RANBP17: variants seen among roughly 807,000 people sequenced by gnomAD.
RANBP17 encodes ran-binding protein 17.
RANBP17 carries 158 observed loss-of-function variants against 141.2 expected under a neutral mutation model. The ratio of observed to expected loss-of-function variants is 1.12; its 90% CI spans 0.98 to 1.28. RANBP17 has a LOEUF of 1.28. RANBP17 is among the 50% of genes most tolerant of loss of function. The pLI is 0.00. For missense variants in RANBP17, 1,438 were observed against 1,290.7 expected (o/e 1.11, Z -1.75); for synonymous variants, 430 against 450.0 (o/e 0.96, Z 0.56).
At chr5:171,062,632 T>C (rs1053454676) in intron 14 of RANBP17, among the ~76,000 whole-genome samples, 5 of 152,192 alleles carry the variant, frequency 3.3e-5, no homozygotes, top group African/African-American at 7.2e-5. Flanking sequence ...CTGACAATTA[T>C]GTGTCTTGGA....
intron 22 of RANBP17, among the ~76,000 whole-genome samples, chr5:171,239,703 A>T (rs894778032): frequency 5.9e-5 from 9 of 152,302 alleles, no homozygotes; most frequent in Non-Finnish European, 8.8e-5. Context: ...GTGTTATGGT[A>T]TAGAAGTCAG....
intron 5 of RANBP17, chr5:170,904,074 T>G (rs1159994253): frequency 2.2e-6 from 1 of 447,476 alleles, no homozygotes; most frequent in East Asian, 5.3e-5. Context: ...TTACCTCACC[T>G]GTGTGCTCAT....
chr5:171,126,121 A>G (rs1489588399), intron 14 of RANBP17, among the ~76,000 whole-genome samples: 1 of 152,192 alleles, frequency 6.6e-6, no homozygotes, highest in Non-Finnish European at 1.5e-5. Flanking sequence ...GCCACATATT[A>G]TATCTGACCA....
intron 21 of RANBP17, among the ~76,000 whole-genome samples, chr5:171,216,285 T>C (rs1230374208): frequency 1.3e-5 from 2 of 152,166 alleles, no homozygotes; most frequent in East Asian, 1.9e-4. Flanking sequence ...ACCAGTATCA[T>C]GCTATTTTGG....
chr5:171,121,302 A>G (rs1211726590), intron 14 of RANBP17, among the ~76,000 whole-genome samples: 1 of 152,208 alleles, frequency 6.6e-6, no homozygotes, highest in South Asian at 2.1e-4. Context: ...GTCTGAGGGC[A>G]TGTGTGCCAG....
At chr5:171,123,845 G>A (rs887247627) in intron 14 of RANBP17, among the ~76,000 whole-genome samples, 4 of 152,176 alleles carry the variant, frequency 2.6e-5, no homozygotes, top group African/African-American at 7.2e-5. Context: ...AGAATCAAAA[G>A]CCAAAGCACT....
intron 27 of RANBP17, 124 bp from the exon 28 acceptor site, chr5:171,298,638 T>C: frequency 1.6e-6 from 1 of 624,180 alleles, no homozygotes; most frequent in Non-Finnish European, 2.8e-6. Context: ...TCAGCTGAAA[T>C]CTAGAGCCGT....
chr5:170,915,402 A>C (rs1460957070), intron 8 of RANBP17, among the ~76,000 whole-genome samples: 2 of 152,168 alleles, frequency 1.3e-5, no homozygotes, highest in African/African-American at 4.8e-5. Flanking sequence ...CCAGGGCAAC[A>C]AAGAAAATAT....
At chr5:171,011,117 A>G (rs1242305837) in intron 14 of RANBP17, among the ~76,000 whole-genome samples, 1 of 152,130 alleles carries the variant, frequency 6.6e-6, no homozygotes, top group Non-Finnish European at 1.5e-5. Flanking sequence ...ATTGCAGACT[A>G]ACATCTCTCA....
intron 5 of RANBP17, 102 bp downstream of exon 5, chr5:170,896,217 G>T: frequency 1.3e-6 from 1 of 760,360 alleles, no homozygotes; most frequent in Non-Finnish European, 2.2e-6. Context: ...TCATTTTGTG[G>T]CATAAAACTC....
chr5:171,129,466 C>A (rs1338660811), intron 14 of RANBP17, among the ~76,000 whole-genome samples: 1 of 152,112 alleles, frequency 6.6e-6, no homozygotes, highest in Admixed American at 6.5e-5. Context: ...CCTGTATTGC[C>A]ACCACTCGCT....
At chr5:170,868,258 G>A (rs1241616104) in intron 1 of RANBP17, among the ~76,000 whole-genome samples, 2 of 152,032 alleles carry the variant, frequency 1.3e-5, no homozygotes, top group Non-Finnish European at 2.9e-5. Flanking sequence ...GTGTGTGTGT[G>A]TGGTTTTTTA....
At chr5:171,128,002 C>G (rs550595163) in intron 14 of RANBP17, among the ~76,000 whole-genome samples, 2 of 152,156 alleles carry the variant, frequency 1.3e-5, no homozygotes, top group African/African-American at 4.8e-5. Flanking sequence ...ACTAAAAATA[C>G]AAAAAATTAG....
chr5:171,138,822 A>G (rs886242390), intron 14 of RANBP17, among the ~76,000 whole-genome samples: 4 of 152,314 alleles, frequency 2.6e-5, no homozygotes, highest in South Asian at 4.2e-4. Flanking sequence ...TAGTAATCCC[A>G]ACACTTCGGA....
chr5:170,922,109 T>C (rs1277988316), intron 11 of RANBP17, among the ~76,000 whole-genome samples: 1 of 152,154 alleles, frequency 6.6e-6, no homozygotes, highest in African/African-American at 2.4e-5. Flanking sequence ...TGTTGGAGTT[T>C]GCCGGAGGTC....
At chr5:171,160,268 A>C (rs557639323) in intron 14 of RANBP17, among the ~76,000 whole-genome samples, 2 of 152,296 alleles carry the variant, frequency 1.3e-5, no homozygotes, top group South Asian at 4.1e-4. Context: ...ATTTAATATT[A>C]GAAGTTATGT....
intron 14 of RANBP17, among the ~76,000 whole-genome samples, chr5:171,156,854 T>G (rs1358570931): frequency 6.6e-6 from 1 of 152,160 alleles, no homozygotes; most frequent in Admixed American, 6.5e-5. Flanking sequence ...GAGTGCAAAC[T>G]GTATTTTCTG....
At chr5:171,121,208 G>A (rs29652) in intron 14 of RANBP17, among the ~76,000 whole-genome samples, 109,139 of 152,134 alleles carry the variant, frequency 0.72, 39,367 homozygotes, top group South Asian at 0.91. Context: ...GCAGTTGCTC[G>A]GCTGTCCTGG....
chr5:171,015,667 T>C (rs1780376751), intron 14 of RANBP17, among the ~76,000 whole-genome samples: 1 of 152,170 alleles, frequency 6.6e-6, no homozygotes, highest in African/African-American at 2.4e-5. Flanking sequence ...TGTATTCCTA[T>C]AAATATTTTT....
Sources: allele counts gnomAD v4.1 joint callset (sites outside exome capture counted in the v4.1 genomes callset), GRCh38; gene constraint gnomAD v4.1.1; transcripts MANE v1.5; gene names NCBI Gene and HGNC (gene_info 2026-07-23, HGNC 2026-07-21).